GRXCR2: variants seen among roughly 807,000 people sequenced by gnomAD.
GRXCR2 encodes the protein glutaredoxin and cysteine rich domain containing 2, also known as glutaredoxin domain-containing cysteine-rich protein 2.
In GRXCR2, 23 loss-of-function variants were observed where a neutral mutation model predicts 24.8. The ratio of observed to expected loss-of-function variants is 0.93; its 90% CI spans 0.67 to 1.32. The LOEUF (loss-of-function observed/expected upper bound fraction) is 1.32, where lower values mean the gene tolerates loss of function less well. Among genes scored for constraint, GRXCR2 ranks in the 40% most tolerant of loss-of-function variants. The pLI, the probability that GRXCR2 is intolerant of heterozygous loss-of-function variation, is 0.00. For synonymous variants in GRXCR2, 130 were observed against 116.1 expected (o/e 1.12, Z -0.77); for missense variants, 315 against 303.4 (o/e 1.04, Z -0.28).
chr5:145,872,115 C>A (rs965895021), intron 1 of GRXCR2, among the ~76,000 whole-genome samples: 9 of 152,194 alleles, frequency 5.9e-5, no homozygotes, highest in East Asian at 1.9e-4. Context: ...AGGACTCCAA[C>A]TACCCAGAGC....
intron 2 of GRXCR2, among the ~76,000 whole-genome samples, chr5:145,912,746 G>A (rs1297099921): frequency 6.6e-6 from 1 of 152,024 alleles, no homozygotes; most frequent in Non-Finnish European, 1.5e-5. Flanking sequence ...GCCTAAGGTG[G>A]CACCAGCCTG....
At chr5:145,857,805 G>A (rs372220775), downstream of GRXCR2, among the ~76,000 whole-genome samples, 2 of 152,120 alleles carry the variant, frequency 1.3e-5, no homozygotes, top group Admixed American at 6.5e-5. Context: ...CCTTCTGCAT[G>A]CTCCAAATGC....
intron 2 of GRXCR2, among the ~76,000 whole-genome samples, chr5:145,879,492 G>C (rs1020827575): frequency 7.2e-5 from 11 of 151,846 alleles, no homozygotes; most frequent in African/African-American, 2.7e-4. Context: ...AATTCAACAA[G>C]AAGAGCTAAC....
chr5:145,865,530 T>C (rs1014448429), intron 2 of GRXCR2, among the ~76,000 whole-genome samples: 1 of 152,172 alleles, frequency 6.6e-6, no homozygotes, highest in African/African-American at 2.4e-5. Flanking sequence ...TATACTAACT[T>C]TTAATAAACT....
At chr5:145,878,542 C>G (rs1045889149) in intron 2 of GRXCR2, among the ~76,000 whole-genome samples, 1 of 151,840 alleles carries the variant, frequency 6.6e-6, no homozygotes, top group Non-Finnish European at 1.5e-5. Flanking sequence ...AAATATGGGA[C>G]TATGTGAAAA....
intron 2 of GRXCR2, among the ~76,000 whole-genome samples, chr5:145,887,262 A>G (rs931396951): frequency 6.6e-6 from 1 of 152,136 alleles, no homozygotes; most frequent in African/African-American, 2.4e-5. Context: ...AAACCTGGCT[A>G]TTTTTAAAAT....
chr5:145,862,786 T>G (rs928162154), intron 2 of GRXCR2, among the ~76,000 whole-genome samples: 2 of 152,146 alleles, frequency 1.3e-5, no homozygotes, highest in South Asian at 4.2e-4. Context: ...GCTCTAATGA[T>G]CTCTGGCAAG....
chr5:145,872,836 G>A lies in GRXCR2; in HGVS notation c.133C>T (p.Pro45Ser), dbSNP rs757811376. 6 of 1,614,124 alleles carry A rather than the reference G, an allele frequency of 3.7e-6. No individual in the cohort carries two copies. The highest frequency in any genetic ancestry group is 1.1e-5 in the South Asian group (1 of 91,074). ...AAACTGTGAGGGTATTCCTCCTTTG[G>A]TGACTCTAATTCCTGCCCATCCTCA... ...VFEDGQELES[P>S]KEEYPHSFLQ... The change falls in exon 1 of 3, where the codon CCA becomes TCA. Residue 45 changes from proline to serine, a missense_variant. Coordinates refer to ENST00000377976, the MANE Select transcript of GRXCR2 (RefSeq NM_001080516.2).
At chr5:145,904,581 C>A (rs771411608) in intron 2 of GRXCR2, among the ~76,000 whole-genome samples, 2 of 152,222 alleles carry the variant, frequency 1.3e-5, no homozygotes, top group African/African-American at 4.8e-5. Flanking sequence ...CCTTGAGAAT[C>A]TCTTCCCCTG....
chr5:145,884,633 A>C (rs1453853220), intron 2 of GRXCR2, among the ~76,000 whole-genome samples: 6 of 152,126 alleles, frequency 3.9e-5, no homozygotes, highest in Non-Finnish European at 7.3e-5. Flanking sequence ...AAAATGAAAA[A>C]AAAAATGTTC....
chr5:145,892,500 A>G (rs1160825651), intron 2 of GRXCR2, among the ~76,000 whole-genome samples: 2 of 152,238 alleles, frequency 1.3e-5, no homozygotes, highest in African/African-American at 4.8e-5. Context: ...AAGTCTCAGT[A>G]GCCAATTCAA....
chr5:145,927,697 TG>T (rs1757420061), intron 2 of GRXCR2, among the ~76,000 whole-genome samples: 1 of 152,148 alleles, frequency 6.6e-6, no homozygotes, highest in South Asian at 2.1e-4. Flanking sequence ...TCTCTTTTTT[TG>T]TTGTGTCTCT....
upstream of GRXCR2, among the ~76,000 whole-genome samples, chr5:145,875,950 G>A (rs1400457796): frequency 6.6e-6 from 1 of 151,946 alleles, no homozygotes; most frequent in Non-Finnish European, 1.5e-5. Context: ...GGTTGCTTGA[G>A]CCAAAGAGTT....
At chr5:145,862,852 C>G (rs1232691232) in intron 2 of GRXCR2, among the ~76,000 whole-genome samples, 1 of 152,186 alleles carries the variant, frequency 6.6e-6, no homozygotes, top group Non-Finnish European at 1.5e-5. Flanking sequence ...TTAATAATAT[C>G]TACCTCACAG....
chr5:145,921,805 T>C (rs939234206), intron 2 of GRXCR2, among the ~76,000 whole-genome samples: 2 of 152,146 alleles, frequency 1.3e-5, no homozygotes, highest in Non-Finnish European at 2.9e-5. Flanking sequence ...TAAAACCAAG[T>C]AGCAAAGGAA....
intron 2 of GRXCR2, among the ~76,000 whole-genome samples, chr5:145,913,100 A>T (rs954229579): frequency 6.6e-6 from 1 of 152,216 alleles, no homozygotes; most frequent in African/African-American, 2.4e-5. Flanking sequence ...GAGACTTCCC[A>T]TGCCCCTCAC....
chr5:145,929,788 T>C (rs1757455297), intron 2 of GRXCR2, among the ~76,000 whole-genome samples: 1 of 152,112 alleles, frequency 6.6e-6, no homozygotes. Context: ...TTATTGACAA[T>C]CAAGAGGAAG....
chr5:145,881,830 C>G lies in GRXCR2; in HGVS notation c.-69-15102G>C, dbSNP rs570515500. The stretch of plus-strand genomic sequence containing the variant: ...CTGGTACCTAAACAGATATATAGAC[C>G]AATGGAACAGAACAGAGGCCTCAGA... On this transcript the variant is annotated intron_variant, in intron 2 of 3. Transcript: ENST00000639411. Among the ~76,000 whole-genome samples the G allele has an allele frequency of 1.1e-4, 17 of 152,196 alleles. No individual in the cohort carries two copies. In the South Asian group the frequency reaches 3.1e-3, roughly 28 times the overall value.
chr5:145,884,771 A>G (rs1005959334), intron 2 of GRXCR2, among the ~76,000 whole-genome samples: 6 of 151,674 alleles, frequency 4.0e-5, no homozygotes, highest in African/African-American at 1.2e-4. Flanking sequence ...GGGAGTTGGG[A>G]AAAAAAATAT....
Sources: allele counts gnomAD v4.1 joint callset (sites outside exome capture counted in the v4.1 genomes callset), GRCh38; gene constraint gnomAD v4.1.1; transcripts MANE v1.5; gene names NCBI Gene and HGNC (gene_info 2026-07-23, HGNC 2026-07-21).